Variants in JADE3 observed in about 807,000 individuals in gnomAD.
JADE3 encodes the protein jade family PHD finger 3, also known as protein Jade-3.
JADE3 carries 2 observed loss-of-function variants against 50.1 expected under a neutral mutation model. The ratio of observed to expected loss-of-function variants is 0.04; its 90% CI spans 0.02 to 0.13. The LOEUF (loss-of-function observed/expected upper bound fraction) is 0.13. Ranked by LOEUF, JADE3 falls within the 10% of genes least tolerant of loss-of-function variation. The probability of loss-of-function intolerance (pLI) is 1.00; values close to 1 mark genes in which losing one functional copy is unlikely to be tolerated. For missense variants in JADE3, 475 were observed against 634.4 expected (o/e 0.75, Z 2.70); for synonymous variants, 218 against 232.9 (o/e 0.94, Z 0.58).
intron 1 of JADE3, among the ~76,000 whole-genome samples, chrX:46,977,803 G>A (rs1489045276): frequency 1.8e-5 from 2 of 111,464 alleles, no homozygotes; most frequent in African/African-American, 6.5e-5. Flanking sequence ...GCCTGTTTGA[G>A]GTGATGGCAG....
Position 47,058,278 on chromosome X carries a change from C to T in JADE3, c.1673C>T (p.Thr558Ile), listed in dbSNP as rs782569962. The T allele has an allele frequency of 8.3e-7, 1 of 1,208,832 alleles. No individual in the cohort carries two copies. The highest frequency in any genetic ancestry group is 1.1e-6 in the Non-Finnish European group (1 of 894,879). The change falls in exon 11 of 11, where the codon ACA becomes ATA. Residue 558 changes from threonine to isoleucine, a missense_variant. This residue lies in a region of JADE3 where 243 missense variants were observed against 238.2 expected (regional missense o/e 1.02). Coordinates refer to ENST00000614628, the MANE Select transcript of JADE3 (RefSeq NM_014735.5). ...CCAGAAGACCACAGAAACAGCTCCA[C>T]AGAAACCGATCAGCAGCCCCACTCT... ...STPEDHRNSS[T>I]ETDQQPHSPD...
chrX:46,971,108 ATTTTTTTTTT>A (rs199889056), intron 1 of JADE3, among the ~76,000 whole-genome samples: 1 of 46,028 alleles, frequency 2.2e-5, no homozygotes, highest in Non-Finnish European at 3.7e-5. Context: ...GGTAGTTGAA[ATTTTTTTTTT>A]TTTTTTTTTT....
intron 4 of JADE3, among the ~76,000 whole-genome samples, chrX:47,019,715 A>AG (rs1270218778): frequency 5.4e-5 from 6 of 112,061 alleles, no homozygotes; most frequent in Non-Finnish European, 1.1e-4. Flanking sequence ...AGAGACACTG[A>AG]GGGGTCTCTG....
intron 1 of JADE3, among the ~76,000 whole-genome samples, chrX:46,976,539 G>A (rs1331329763): frequency 1.8e-5 from 2 of 111,714 alleles, no homozygotes; most frequent in Admixed American, 1.9e-4. Flanking sequence ...GAGGTCTAGT[G>A]TACATTTTGT....
At chrX:46,948,478 T>A (rs782605656) in intron 1 of JADE3, among the ~76,000 whole-genome samples, 1 of 112,070 alleles carries the variant, frequency 8.9e-6, no homozygotes, top group Non-Finnish European at 1.9e-5. Flanking sequence ...TTTATTTGCA[T>A]CAGTTTTGAC....
chrX:46,988,260 C>G (rs1005973381), intron 3 of JADE3, among the ~76,000 whole-genome samples: 28 of 111,070 alleles, frequency 2.5e-4, no homozygotes, highest in African/African-American at 8.5e-4. Flanking sequence ...TAATCAAGCA[C>G]GTCGGGGAAG....
chrX:46,972,552 G>A (rs942614830), intron 1 of JADE3, among the ~76,000 whole-genome samples: 2 of 111,288 alleles, frequency 1.8e-5, no homozygotes, highest in Non-Finnish European at 3.8e-5. Flanking sequence ...TCACTGTATT[G>A]AGAGAAGTGT....
intron 8 of JADE3, among the ~76,000 whole-genome samples, chrX:47,049,011 A>T (rs1334509300): frequency 2.7e-5 from 3 of 111,397 alleles, no homozygotes; most frequent in Non-Finnish European, 5.6e-5. Flanking sequence ...ATTTGTAAAG[A>T]TAAAAATATT....
intron 4 of JADE3, among the ~76,000 whole-genome samples, chrX:47,004,526 G>A (rs1386677609): frequency 1.8e-5 from 2 of 111,861 alleles, no homozygotes; most frequent in Non-Finnish European, 3.8e-5. Flanking sequence ...AACCTCCTAA[G>A]CCCAAGCAAT....
At chrX:46,941,736 A>AT (rs58669972) in intron 1 of JADE3, among the ~76,000 whole-genome samples, 4 of 92,746 alleles carry the variant, frequency 4.3e-5, no homozygotes, top group East Asian at 3.4e-4. Context: ...CTTTGCCCAC[A>AT]TTTTTTTTTT....
chrX:47,057,659 A>G (rs1470737567), intron 10 of JADE3, among the ~76,000 whole-genome samples: 3 of 110,776 alleles, frequency 2.7e-5, no homozygotes, highest in Non-Finnish European at 3.8e-5. Flanking sequence ...ACACATACAT[A>G]CTCTTCACCC....
At chrX:47,007,805 TTTTGTG>T (rs782403724) in intron 4 of JADE3, among the ~76,000 whole-genome samples, 9,137 of 79,695 alleles carry the variant, frequency 0.11, 601 homozygotes, top group African/African-American at 0.26. Flanking sequence ...TGTCCTTTTA[TTTTGTG>T]TGTGTGTGTG....
chrX:46,914,230 T>TA (rs1167395081), intron 1 of JADE3, among the ~76,000 whole-genome samples: 1 of 111,053 alleles, frequency 9.0e-6, no homozygotes, highest in African/African-American at 3.3e-5. Flanking sequence ...GGGGAAAGAG[T>TA]AGGGCTGAGA....
At chrX:46,984,071 C>T (rs781966044) in intron 1 of JADE3, among the ~76,000 whole-genome samples, 1 of 112,148 alleles carries the variant, frequency 8.9e-6, no homozygotes, top group South Asian at 3.7e-4. Flanking sequence ...AAAAGAATGT[C>T]AGTCACTGGC....
At chrX:47,028,381 C>A (rs1166108419) in intron 6 of JADE3, among the ~76,000 whole-genome samples, 1 of 109,692 alleles carries the variant, frequency 9.1e-6, no homozygotes, top group Non-Finnish European at 1.9e-5. Context: ...CCCCTAGGCC[C>A]CTGCCCCAGG....
Position 47,051,977 on chromosome X carries a change from C to T in JADE3, c.973-2181C>T, listed in dbSNP as rs189813325. Among the ~76,000 whole-genome samples the T allele has an allele frequency of 4.6e-3, 507 of 110,227 alleles. 2 individuals carry two copies. Among genetic ancestry groups the T allele is most frequent in the African/African-American group, 0.016 (488 of 30,208 alleles). The stretch of plus-strand genomic sequence containing the variant: ...GACTTGGTGGCGCACGCCTATAATC[C>T]CAGCTACTCACAAGGCTAAGGTGGG... On this transcript the variant is annotated intron_variant, in intron 8 of 10. Coordinates refer to ENST00000614628, the MANE Select transcript of JADE3 (RefSeq NM_014735.5).
chrX:46,961,136 T>C (rs1373050976), intron 1 of JADE3, among the ~76,000 whole-genome samples: 1 of 112,192 alleles, frequency 8.9e-6, no homozygotes, highest in Non-Finnish European at 1.9e-5. Context: ...ATAAAAATAA[T>C]ATGATAATGG....
Position 47,058,653 on chromosome X carries a change from C to T in JADE3, c.2048C>T (p.Ser683Leu), listed in dbSNP as rs573298132. 7.4e-6 allele frequency: 9 copies of T among 1,209,541 alleles called. No individual in the cohort carries two copies. The highest frequency in any genetic ancestry group is 3.0e-5 in the East Asian group (1 of 33,750). ...WSGNVTQKDS[S>L]SEMFCDQEPV... The stretch of plus-strand genomic sequence containing the variant: ...GGGAATGTCACCCAAAAAGACAGCT[C>T]GAGTGAGATGTTCTGTGACCAGGAG... The change falls in exon 11 of 11, where the codon TCG (serine) becomes TTG (leucine). Residue 683 changes from serine (S) to leucine (L), a missense_variant. Physicochemically the swap from Ser to Leu is moderately radical, Grantham distance 145. This residue lies in a region of JADE3 where 243 missense variants were observed against 238.2 expected (regional missense o/e 1.02). Coordinates refer to ENST00000614628, the MANE Select transcript of JADE3 (RefSeq NM_014735.5).
At chrX:46,920,616 A>G (rs1926200892) in intron 1 of JADE3, among the ~76,000 whole-genome samples, 1 of 112,270 alleles carries the variant, frequency 8.9e-6, no homozygotes, top group Non-Finnish European at 1.9e-5. Context: ...GACAGAAATT[A>G]CCAAACTATG....
Sources: allele counts gnomAD v4.1 joint callset (sites outside exome capture counted in the v4.1 genomes callset), GRCh38; gene constraint gnomAD v4.1.1; regional missense constraint gnomAD v4.1.1; transcripts MANE v1.5; gene names NCBI Gene and HGNC (gene_info 2026-07-23, HGNC 2026-07-21).